Variants in FBXW7 observed in about 807,000 individuals in gnomAD.
FBXW7 encodes F-box/WD repeat-containing protein 7.
A neutral mutation model predicts 86.3 loss-of-function variants in FBXW7; 11 were observed. The ratio of observed to expected loss-of-function variants is 0.13; its 90% CI spans 0.08 to 0.21. FBXW7 has a LOEUF of 0.21. FBXW7 is among the 10% of genes least tolerant of loss of function. FBXW7 has a pLI of 1.00. For missense variants in FBXW7, 488 were observed against 847.4 expected, an observed-to-expected ratio of 0.58 and a Z score of 5.27; for synonymous variants, 313 against 297.9, an observed-to-expected ratio of 1.05 and a Z score of -0.52.
At chr4:152,460,079 C>A (rs1050342617) in intron 2 of FBXW7, among the ~76,000 whole-genome samples, 1 of 152,216 alleles carries the variant, frequency 6.6e-6, no homozygotes, top group African/African-American at 2.4e-5. Context: ...ACGAACAACA[C>A]TGTGAATGCA....
At chr4:152,412,971 T>C (rs1738103424) in intron 2 of FBXW7, among the ~76,000 whole-genome samples, 1 of 152,134 alleles carries the variant, frequency 6.6e-6, no homozygotes, top group Non-Finnish European at 1.5e-5. Context: ...CTTTTCATGA[T>C]ATTCATTCTT....
At chr4:152,419,042 A>AT (rs1207263794) in intron 2 of FBXW7, among the ~76,000 whole-genome samples, 2 of 152,184 alleles carry the variant, frequency 1.3e-5, no homozygotes, top group Non-Finnish European at 2.9e-5. Flanking sequence ...GAGCCTGACC[A>AT]TATCACCGAG....
chr4:152,339,675 C>T (rs779941981), intron 6 of FBXW7, among the ~76,000 whole-genome samples: 2 of 152,096 alleles, frequency 1.3e-5, no homozygotes, highest in Non-Finnish European at 2.9e-5. Flanking sequence ...GGTGTGTTGG[C>T]TCATGCCTGT....
chr4:152,483,567 T>C (rs532887960), intron 2 of FBXW7, among the ~76,000 whole-genome samples: 11 of 152,090 alleles, frequency 7.2e-5, no homozygotes, highest in African/African-American at 2.6e-4. Flanking sequence ...TTGGAAACAG[T>C]GGCACACATA....
intron 2 of FBXW7, among the ~76,000 whole-genome samples, chr4:152,485,842 G>A (rs375918213): frequency 1.3e-5 from 2 of 152,166 alleles, no homozygotes; most frequent in African/African-American, 4.8e-5. Context: ...TTGAGTTCTC[G>A]CTGGCTAAAT....
Position 152,535,640 on chromosome 4 carries a change from C to T in FBXW7, c.-726G>A. The T allele has an allele frequency of 2.5e-6, 1 of 396,862 alleles. No homozygotes were observed. 24.6% of individuals were successfully genotyped at this position (396,862 alleles called of 1,614,324 possible). A position where few individuals can be genotyped will look rare whatever the true frequency, so the allele number is the denominator to read the frequency against. On this transcript the variant is annotated 5_prime_UTR_variant, in exon 1 of 14. Coordinates refer to ENST00000281708, the MANE Select transcript of FBXW7 (RefSeq NM_001349798.2). ...CGGCGCCGCCCCCGCTCCCGGCTCCCGCATGTGTCGCTGCGGCTGGGACCC... is the reference window on the plus strand; with the variant it reads ...CGGCGCCGCCCCCGCTCCCGGCTCCTGCATGTGTCGCTGCGGCTGGGACCC...
chr4:152,459,829 T>C (rs547322575), intron 2 of FBXW7, among the ~76,000 whole-genome samples: 81 of 152,360 alleles, frequency 5.3e-4, no homozygotes, highest in African/African-American at 1.9e-3. Flanking sequence ...AAACATCTTA[T>C]TGTGCTATAA....
At chr4:152,528,854 T>G (rs1227611247) in intron 2 of FBXW7, among the ~76,000 whole-genome samples, 1 of 152,186 alleles carries the variant, frequency 6.6e-6, no homozygotes, top group Non-Finnish European at 1.5e-5. Flanking sequence ...TTGTAAGGTC[T>G]TTTAATATTG....
At chr4:152,391,474 C>T (rs1307740688) in intron 4 of FBXW7, among the ~76,000 whole-genome samples, 1 of 152,004 alleles carries the variant, frequency 6.6e-6, no homozygotes, top group African/African-American at 2.4e-5. Flanking sequence ...AAATTCAATT[C>T]CTACTATTCT....
At chr4:152,402,822 T>C (rs1002158898) in intron 4 of FBXW7, among the ~76,000 whole-genome samples, 11 of 152,220 alleles carry the variant, frequency 7.2e-5, no homozygotes, top group Non-Finnish European at 1.6e-4. Context: ...AAAAGAGCTG[T>C]CACTGCTCTA....
chr4:152,528,619 T>G (rs746057758), intron 2 of FBXW7, among the ~76,000 whole-genome samples: 2 of 152,148 alleles, frequency 1.3e-5, no homozygotes, highest in Non-Finnish European at 2.9e-5. Flanking sequence ...TAAGTTGTAA[T>G]AGGAAGAAAT....
At chr4:152,452,303 G>A (rs999767825) in intron 2 of FBXW7, among the ~76,000 whole-genome samples, 8 of 152,144 alleles carry the variant, frequency 5.3e-5, no homozygotes, top group Non-Finnish European at 1.0e-4. Context: ...AAGAGATCCA[G>A]AGAGCAAAAC....
intron 2 of FBXW7, among the ~76,000 whole-genome samples, chr4:152,518,522 C>T (rs1048863718): frequency 2.0e-5 from 3 of 152,174 alleles, no homozygotes; most frequent in Admixed American, 2.0e-4. Flanking sequence ...GTCTCCAACT[C>T]CCGGCCTAAA....
intron 2 of FBXW7, among the ~76,000 whole-genome samples, chr4:152,462,920 T>C (rs1420029736): frequency 2.0e-5 from 3 of 149,368 alleles, no homozygotes; most frequent in East Asian, 1.9e-4. Context: ...TTCCAGTCTT[T>C]TTTTTTTTTT....
intron 2 of FBXW7, among the ~76,000 whole-genome samples, chr4:152,489,058 AG>A (rs1299982339): frequency 6.6e-6 from 1 of 152,090 alleles, no homozygotes; most frequent in Non-Finnish European, 1.5e-5. Context: ...GAGACTTTTG[AG>A]GCTAAATAGA....
chr4:152,399,547 A>T (rs1736724549), intron 4 of FBXW7, among the ~76,000 whole-genome samples: 1 of 152,292 alleles, frequency 6.6e-6, no homozygotes, highest in South Asian at 2.1e-4. Context: ...TTGGCACATG[A>T]CATGACCCTC....
intron 4 of FBXW7, among the ~76,000 whole-genome samples, chr4:152,371,467 G>A (rs1045270375): frequency 2.0e-5 from 3 of 151,916 alleles, no homozygotes; most frequent in African/African-American, 7.2e-5. Context: ...GCTTGTAATA[G>A]ATACTATCTA....
intron 13 of FBXW7, chr4:152,323,364 G>A (rs1728716852): frequency 1.6e-6 from 1 of 608,452 alleles, no homozygotes. Flanking sequence ...CTTTCAAGAG[G>A]TCTGTCTTCC....
intron 4 of FBXW7, among the ~76,000 whole-genome samples, chr4:152,377,668 G>A (rs1346932121): frequency 1.3e-5 from 2 of 151,038 alleles, no homozygotes; most frequent in South Asian, 2.1e-4. Context: ...AGGAGGCTGC[G>A]GCAGGATAAT....
Sources: gnomAD v4.1 joint callset for allele counts (sites outside exome capture counted in the v4.1 genomes callset) on GRCh38, gnomAD v4.1.1 for gene constraint, MANE v1.5 for transcripts, NCBI Gene and HGNC (gene_info 2026-07-23, HGNC 2026-07-21) for gene names.